SUCLG2: variants seen among roughly 807,000 people sequenced by gnomAD.
SUCLG2 encodes succinate--CoA ligase [GDP-forming] subunit beta, mitochondrial.
In SUCLG2, 42 loss-of-function variants were observed where a neutral mutation model predicts 47.9. The observed-to-expected ratio is 0.88, with a 90% CI of 0.69 to 1.14. The LOEUF is 1.14. Ranked by LOEUF, SUCLG2 falls within the 50% of genes most tolerant of loss-of-function variation. SUCLG2 has a pLI of 0.00. For missense variants in SUCLG2, 571 were observed against 525.9 expected (o/e 1.09, Z -0.84); for synonymous variants, 195 against 197.3 (o/e 0.99, Z 0.10).
intron 2 of SUCLG2, among the ~76,000 whole-genome samples, chr3:67,592,044 T>C (rs1383080431): frequency 6.6e-6 from 1 of 152,256 alleles, no homozygotes; most frequent in African/African-American, 2.4e-5. Flanking sequence ...TCGCTATTAA[T>C]TTAATGAGGA....
At chr3:67,392,059 T>C (rs929259454) in intron 10 of SUCLG2, among the ~76,000 whole-genome samples, 2 of 152,256 alleles carry the variant, frequency 1.3e-5, no homozygotes, top group East Asian at 1.9e-4. Flanking sequence ...TTGAGTCTCA[T>C]TGTCCTTTCT....
chr3:67,364,459 C>A (rs1438757793), intron 10 of SUCLG2, among the ~76,000 whole-genome samples: 1 of 149,342 alleles, frequency 6.7e-6, no homozygotes, highest in Non-Finnish European at 1.5e-5. Flanking sequence ...GAGGCCATAA[C>A]TCTCTTCTGT....
At chr3:67,500,268 G>C (rs1559549085) in intron 7 of SUCLG2, among the ~76,000 whole-genome samples, 1 of 152,164 alleles carries the variant, frequency 6.6e-6, no homozygotes, top group Non-Finnish European at 1.5e-5. Flanking sequence ...ACCCCAGGTA[G>C]AGGGTTTTCT....
intron 10 of SUCLG2, among the ~76,000 whole-genome samples, chr3:67,368,607 TTTATTA>T (rs1476576019): frequency 6.6e-6 from 1 of 152,192 alleles, no homozygotes; most frequent in Admixed American, 6.5e-5. Flanking sequence ...TATTTATTTA[TTTATTA>T]TTATTTTTTG....
intron 9 of SUCLG2, among the ~76,000 whole-genome samples, chr3:67,438,738 G>A (rs533108808): frequency 6.6e-6 from 1 of 152,110 alleles, no homozygotes; most frequent in Non-Finnish European, 1.5e-5. Flanking sequence ...AATTGAGGCA[G>A]TAATTAATAG....
chr3:67,496,970 AG>A (rs1401629385), intron 8 of SUCLG2, among the ~76,000 whole-genome samples: 1 of 152,204 alleles, frequency 6.6e-6, no homozygotes, highest in Non-Finnish European at 1.5e-5. Context: ...TGTAAATCAT[AG>A]ATTTTGAGGC....
intron 9 of SUCLG2, among the ~76,000 whole-genome samples, chr3:67,401,153 T>G (rs1296040605): frequency 6.6e-6 from 1 of 152,210 alleles, no homozygotes; most frequent in African/African-American, 2.4e-5. Context: ...CTGAAAATAT[T>G]ATTGTCTATT....
chr3:67,547,864 T>C (rs1326097624), intron 2 of SUCLG2, among the ~76,000 whole-genome samples: 3 of 152,210 alleles, frequency 2.0e-5, no homozygotes, highest in South Asian at 4.1e-4. Context: ...CTGTCAAACC[T>C]AATGAAGCCA....
At chr3:67,459,295 C>T (rs1243236828) in intron 9 of SUCLG2, among the ~76,000 whole-genome samples, 1 of 152,190 alleles carries the variant, frequency 6.6e-6, no homozygotes, top group Non-Finnish European at 1.5e-5. Context: ...TTCTCTATGA[C>T]CTTTCTGGAG....
chr3:67,534,344 C>T (rs1706481328), intron 2 of SUCLG2, among the ~76,000 whole-genome samples: 1 of 152,008 alleles, frequency 6.6e-6, no homozygotes, highest in Non-Finnish European at 1.5e-5. Context: ...TGTATTTATG[C>T]TTTCGACGGA....
chr3:67,559,303 T>G (rs1707245508), intron 2 of SUCLG2, among the ~76,000 whole-genome samples: 1 of 152,184 alleles, frequency 6.6e-6, no homozygotes, highest in African/African-American at 2.4e-5. Flanking sequence ...ATATACTACC[T>G]GAGACTGGGT....
intron 9 of SUCLG2, among the ~76,000 whole-genome samples, chr3:67,440,308 G>A (rs1182691812): frequency 6.6e-6 from 1 of 152,174 alleles, no homozygotes; most frequent in Non-Finnish European, 1.5e-5. Context: ...TACCATTCAT[G>A]ACATAGGCAC....
chr3:67,595,816 T>C (rs1330939043), intron 2 of SUCLG2, among the ~76,000 whole-genome samples: 1 of 152,246 alleles, frequency 6.6e-6, no homozygotes, highest in Admixed American at 6.5e-5. Flanking sequence ...GCCATTGTAT[T>C]TTCTACCACC....
intron 10 of SUCLG2, among the ~76,000 whole-genome samples, chr3:67,382,221 C>T (rs987366659): frequency 6.6e-6 from 1 of 152,064 alleles, no homozygotes; most frequent in East Asian, 1.9e-4. Context: ...TCAGAGCAAC[C>T]CTGCAGTCAA....
chr3:67,392,542 T>C (rs1702413641), intron 10 of SUCLG2, among the ~76,000 whole-genome samples: 1 of 152,236 alleles, frequency 6.6e-6, no homozygotes, highest in African/African-American at 2.4e-5. Flanking sequence ...TGGGTTTTCA[T>C]TTTACCCCTA....
chr3:67,569,213 T>C (rs1449205248), intron 2 of SUCLG2, among the ~76,000 whole-genome samples: 1 of 152,196 alleles, frequency 6.6e-6, no homozygotes. Context: ...CTGAGGATAT[T>C]CCAGATTAAA....
At chr3:67,503,847 G>A (rs988878835) in intron 7 of SUCLG2, among the ~76,000 whole-genome samples, 4 of 152,186 alleles carry the variant, frequency 2.6e-5, no homozygotes, top group African/African-American at 7.2e-5. Context: ...GTTTAGTGGC[G>A]TGAGATTCTG....
At chr3:67,440,412 C>T (rs1490970715) in intron 9 of SUCLG2, among the ~76,000 whole-genome samples, 2 of 152,008 alleles carry the variant, frequency 1.3e-5, no homozygotes, top group Non-Finnish European at 2.9e-5. Context: ...GCTTTCTGCA[C>T]AGAAAAAGAA....
chr3:67,588,721 A>C (rs1253225186), intron 2 of SUCLG2, among the ~76,000 whole-genome samples: 3 of 152,188 alleles, frequency 2.0e-5, no homozygotes, highest in African/African-American at 7.2e-5. Flanking sequence ...CCACTTTTTC[A>C]CATTACTTGC....
Sources: allele counts gnomAD v4.1 joint callset (sites outside exome capture counted in the v4.1 genomes callset), GRCh38; gene constraint gnomAD v4.1.1; transcripts MANE v1.5; gene names NCBI Gene and HGNC (gene_info 2026-07-23, HGNC 2026-07-21).